The following PLEKHA7 variants were observed in gnomAD, a reference collection of about 807,000 sequenced individuals.
PLEKHA7 encodes pleckstrin homology domain containing A7.
In PLEKHA7, 104 loss-of-function variants were observed where a neutral mutation model predicts 170.0. The observed-to-expected ratio is 0.61, with a 90% confidence interval of 0.52 to 0.72. PLEKHA7 has a LOEUF of 0.72. PLEKHA7 is among the 30% of genes least tolerant of loss of function. PLEKHA7 has a pLI of 0.00. For missense variants in PLEKHA7, 1,615 were observed against 1,671.7 expected, an observed-to-expected ratio of 0.97 and a Z score of 0.59; for synonymous variants, 648 against 660.8, an observed-to-expected ratio of 0.98 and a Z score of 0.30.
At chr11:16,943,580 T>G (rs1860830378) in intron 3 of PLEKHA7, among the ~76,000 whole-genome samples, 1 of 152,186 alleles carries the variant, frequency 6.6e-6, no homozygotes, top group Admixed American at 6.5e-5. Context: ...GCTTCAAAGA[T>G]AAATGCTATA....
chr11:16,849,895 G>C (rs12226273), intron 8 of PLEKHA7, among the ~76,000 whole-genome samples: 24,255 of 152,122 alleles, frequency 0.16, 2,354 homozygotes, highest in Non-Finnish European at 0.23. Flanking sequence ...GGAAACACAG[G>C]AACAACTCAA....
chr11:16,861,324 AAGACCAGTCTGGTCTTG>A (rs1412537656), intron 4 of PLEKHA7, among the ~76,000 whole-genome samples: 1 of 151,072 alleles, frequency 6.6e-6, no homozygotes, highest in Non-Finnish European at 1.5e-5. Flanking sequence ...CCAGGAGTTC[AAGACCAGTCTGGTCTTG>A]AGACTCTGTC....
intron 4 of PLEKHA7, among the ~76,000 whole-genome samples, chr11:16,860,658 C>T (rs1853871025): frequency 6.6e-6 from 1 of 152,184 alleles, no homozygotes; most frequent in African/African-American, 2.4e-5. Flanking sequence ...AGACAAATAA[C>T]TTATTCGAGA....
intron 4 of PLEKHA7, among the ~76,000 whole-genome samples, chr11:16,868,170 A>G (rs1433206195): frequency 6.6e-6 from 1 of 152,268 alleles, no homozygotes; most frequent in East Asian, 1.9e-4. Flanking sequence ...CCCCTTTATC[A>G]ATTCCCATTG....
At chr11:16,886,729 A>G (rs1055435309) in intron 3 of PLEKHA7, among the ~76,000 whole-genome samples, 3 of 151,194 alleles carry the variant, frequency 2.0e-5, no homozygotes, top group Middle Eastern at 3.4e-3. Flanking sequence ...AAAAAAAAAA[A>G]GCCCACAATT....
intron 3 of PLEKHA7, among the ~76,000 whole-genome samples, chr11:16,897,765 T>C (rs527510791): frequency 3.2e-4 from 49 of 152,282 alleles, no homozygotes; most frequent in African/African-American, 1.1e-3. Flanking sequence ...TTTATGACTC[T>C]AACTAGCTGC....
chr11:16,802,619 C>G (rs1178183378), intron 15 of PLEKHA7, among the ~76,000 whole-genome samples: 1 of 152,020 alleles, frequency 6.6e-6, no homozygotes, highest in African/African-American at 2.4e-5. Flanking sequence ...GTGATCTCGG[C>G]TCACTGCAAC....
intron 8 of PLEKHA7, among the ~76,000 whole-genome samples, chr11:16,845,020 G>C (rs1852276346): frequency 6.6e-6 from 1 of 152,244 alleles, no homozygotes; most frequent in Non-Finnish European, 1.5e-5. Flanking sequence ...GCTGTATTAA[G>C]TGTCATCAAG....
chr11:16,939,460 A>G (rs1427044508), intron 3 of PLEKHA7, among the ~76,000 whole-genome samples: 1 of 152,216 alleles, frequency 6.6e-6, no homozygotes, highest in Non-Finnish European at 1.5e-5. Flanking sequence ...AATATTAGCT[A>G]TACAACATAG....
chr11:16,867,911 C>T (rs973082308), intron 4 of PLEKHA7, among the ~76,000 whole-genome samples: 2 of 152,202 alleles, frequency 1.3e-5, no homozygotes, highest in Admixed American at 1.3e-4. Flanking sequence ...AGTCTTTCCC[C>T]TCTTTCATCC....
chr11:16,960,981 C>T (rs1862025471), intron 3 of PLEKHA7, among the ~76,000 whole-genome samples: 1 of 152,156 alleles, frequency 6.6e-6, no homozygotes, highest in African/African-American at 2.4e-5. Context: ...CCTGTCTTTC[C>T]TCCACAACAA....
chr11:16,798,319 G>GA (rs1230982079), intron 17 of PLEKHA7, among the ~76,000 whole-genome samples: 1 of 152,198 alleles, frequency 6.6e-6, no homozygotes, highest in African/African-American at 2.4e-5. Flanking sequence ...GCCACTTAGG[G>GA]AAAGTGTGAG....
At chr11:16,940,586 C>T (rs76707198) in intron 3 of PLEKHA7, among the ~76,000 whole-genome samples, 2,595 of 152,294 alleles carry the variant, frequency 0.017, 86 homozygotes, top group African/African-American at 0.06. Context: ...CTGCACCTGG[C>T]CTCTTTTGTT....
intron 3 of PLEKHA7, among the ~76,000 whole-genome samples, chr11:16,971,057 G>A (rs1195260331): frequency 6.6e-6 from 1 of 152,188 alleles, no homozygotes; most frequent in Non-Finnish European, 1.5e-5. Flanking sequence ...TCTGATCTGA[G>A]CATAGCAATG....
Position 16,786,273 on chromosome 11 carries a change from A to T in PLEKHA7, c.3472T>A (p.Leu1158Met). 1 of 1,536,052 alleles carries T rather than the reference A, an allele frequency of 6.5e-7. No individual in the cohort carries two copies. Among genetic ancestry groups the T allele is most frequent in the Non-Finnish European group, 8.7e-7 (1 of 1,146,890 alleles). ...LKVQAMPVTELDLEPQDYDLD... is the reference protein window; with the variant it reads ...LKVQAMPVTEMDLEPQDYDLD... ...TCATAGTCTTGAGGCTCCAGGTCCA[A>T]CTCAGTGACAGGCATGGCCTGCACT... Residue 1158 changes from leucine to methionine, a missense_variant, in exon 24 of 27, where the codon TTG (leucine) becomes ATG (methionine). Coordinates refer to ENST00000531066, the MANE Select transcript of PLEKHA7 (RefSeq NM_001329630.2).
chr11:16,976,024 G>A (rs1216766169), intron 3 of PLEKHA7, among the ~76,000 whole-genome samples: 2 of 152,218 alleles, frequency 1.3e-5, no homozygotes, highest in Non-Finnish European at 1.5e-5. Flanking sequence ...TGAATGGTCT[G>A]CATCCCTCTG....
At chr11:16,998,923 T>TC (rs1231025481) in intron 3 of PLEKHA7, among the ~76,000 whole-genome samples, 2 of 150,438 alleles carry the variant, frequency 1.3e-5, no homozygotes, top group Admixed American at 6.6e-5. Flanking sequence ...CACTGACTTA[T>TC]CCCCCTCCTC....
chr11:16,855,215 G>GA (rs534483274), intron 5 of PLEKHA7, among the ~76,000 whole-genome samples: 15 of 150,064 alleles, frequency 1.0e-4, no homozygotes, highest in African/African-American at 1.5e-4. Context: ...CTGGGTCACT[G>GA]AAAAAAAAAA....
chr11:16,901,279 G>C (rs577865615), intron 3 of PLEKHA7, among the ~76,000 whole-genome samples: 2 of 152,254 alleles, frequency 1.3e-5, no homozygotes, highest in African/African-American at 4.8e-5. Flanking sequence ...GAGAGCTGAA[G>C]AAAAAATAAA....
Sources: allele counts gnomAD v4.1 joint callset (sites outside exome capture counted in the v4.1 genomes callset), GRCh38; gene constraint gnomAD v4.1.1; transcripts MANE v1.5; gene names NCBI Gene and HGNC (gene_info 2026-07-23, HGNC 2026-07-21).